The following PIKFYVE variants were observed in gnomAD, a reference collection of about 807,000 sequenced individuals.
The protein encoded by PIKFYVE is phosphoinositide kinase, FYVE-type zinc finger containing, also known as 1-phosphatidylinositol 3-phosphate 5-kinase.
A neutral mutation model predicts 257.9 loss-of-function variants in PIKFYVE; 122 were observed. That is an observed-to-expected ratio of 0.47 (90% confidence interval 0.41 to 0.55). PIKFYVE has a LOEUF of 0.55. Among genes scored for constraint, PIKFYVE ranks in the 20% least tolerant of loss-of-function variants. The pLI is 0.00. For synonymous variants in PIKFYVE, 892 were observed against 868.9 expected (o/e 1.03, Z -0.47); for missense variants, 2,160 against 2,536.6 (o/e 0.85, Z 3.19).
chr2:208,339,322 TA>T, intron 29 of PIKFYVE, 95 bp from the exon 30 acceptor site: 2 of 1,421,816 alleles, frequency 1.4e-6, no homozygotes, highest in South Asian at 2.3e-5. Flanking sequence ...TTCTACCTTT[TA>T]GGAAGTAGGC....
chr2:208,316,248 G>C (rs1695506694), intron 15 of PIKFYVE, among the ~76,000 whole-genome samples: 1 of 152,134 alleles, frequency 6.6e-6, no homozygotes, highest in Non-Finnish European at 1.5e-5. Context: ...GTGTGTATGT[G>C]TCACATTTTC....
intron 15 of PIKFYVE, among the ~76,000 whole-genome samples, chr2:208,317,322 T>C (rs970130372): frequency 1.3e-5 from 2 of 151,754 alleles, no homozygotes; most frequent in African/African-American, 4.8e-5. Context: ...GGGCAAAGGA[T>C]ATGAACAGAC....
intron 5 of PIKFYVE, among the ~76,000 whole-genome samples, chr2:208,285,517 A>T (rs1169895582): frequency 6.6e-6 from 1 of 152,106 alleles, no homozygotes; most frequent in African/African-American, 2.4e-5. Flanking sequence ...TTAGTGCCAG[A>T]ATTCAAAATG....
chr2:208,324,437 A>G (rs1005794182), intron 18 of PIKFYVE, among the ~76,000 whole-genome samples, 155 bp downstream of exon 18: 1 of 152,226 alleles, frequency 6.6e-6, no homozygotes, highest in Non-Finnish European at 1.5e-5. Context: ...ATTAAGATTC[A>G]GAATTTCAGA....
Position 208,355,269 on chromosome 2 carries a change from A to G in PIKFYVE, c.6261A>G (p.Val2087=), listed in dbSNP as rs143301688. 4.3e-6 allele frequency: 7 copies of G among 1,613,912 alleles called. No homozygotes were observed. The highest frequency in any genetic ancestry group is 1.1e-5 in the South Asian group (1 of 91,080). The change falls in exon 42 of 42, where the codon GTA becomes GTG. Residue 2087 remains valine (V), a synonymous_variant. Transcript: ENST00000264380. The part of the protein sequence containing the change: ...CEAMDKYFLM[V]PDHWTGLGLN... Reference sequence around the variant, plus strand: ...CAATGGACAAGTATTTCCTAATGGTACCAGACCACTGGACAGGCTTGGGTC... The same window carrying G: ...CAATGGACAAGTATTTCCTAATGGTGCCAGACCACTGGACAGGCTTGGGTC...
At chr2:208,328,063 A>G in intron 20 of PIKFYVE, 117 bp from the exon 21 acceptor site, 2 of 1,568,480 alleles carry the variant, frequency 1.3e-6, no homozygotes, top group Non-Finnish European at 1.7e-6. Context: ...TTAAATCTTG[A>G]CCAGAGCCCC....
At chr2:208,289,634 G>A (rs960780511) in intron 7 of PIKFYVE, among the ~76,000 whole-genome samples, 8 of 152,034 alleles carry the variant, frequency 5.3e-5, no homozygotes, top group Non-Finnish European at 4.4e-5. Flanking sequence ...GTTTCACCGT[G>A]TTAGCCAGGA....
chr2:208,306,498 G>A (rs1199350782), intron 12 of PIKFYVE, among the ~76,000 whole-genome samples: 1 of 152,174 alleles, frequency 6.6e-6, no homozygotes, highest in African/African-American at 2.4e-5. Flanking sequence ...ACTTGGTGAT[G>A]ATTTCATCTC....
rs545410451 is a variant in PIKFYVE, at chr2:208,278,844, TAA to T, written c.613+1140_613+1141del. Reference sequence around the variant, plus strand: ...CAGGTTGATTCTGTATTTGCTATTATAAAAAGTGTTACAATGAACATACGAGT... The same window carrying T: ...CAGGTTGATTCTGTATTTGCTATTATAAAGTGTTACAATGAACATACGAGT... On this transcript the variant is annotated intron_variant, in intron 5 of 41. Coordinates refer to ENST00000264380, the MANE Select transcript of PIKFYVE (RefSeq NM_015040.4). Among the ~76,000 whole-genome samples the T allele has an allele frequency of 1.7e-3, 266 of 152,340 alleles. 3 individuals are homozygous for T. Among genetic ancestry groups the T allele is most frequent in the African/African-American group, 6.0e-3 (249 of 41,570 alleles).
rs766940010 is a variant in PIKFYVE, at chr2:208,326,376, G to A, written c.3565G>A (p.Glu1189Lys). The A allele has an allele frequency of 4.3e-6, 7 of 1,613,874 alleles. No homozygotes were observed. Among genetic ancestry groups the A allele is most frequent in the South Asian group, 1.1e-5 (1 of 91,056 alleles). ...AAGTGGCCAATCAGGAAGCAAAAAT[G>A]AGGGTGATGAAGAGAGAGGGCTTAT... ...TSSGQSGSKN[E>K]GDEERGLILS... is the part of the protein sequence containing the mutation. Residue 1189 changes from glutamate (E) to lysine (K), a missense_variant, in exon 20 of 42, where the codon GAG becomes AAG. Glu to Lys is a moderately conservative substitution (Grantham distance 56). This residue lies in a region of PIKFYVE where 522 missense variants were observed against 514.6 expected (regional missense o/e 1.01). Transcript: ENST00000264380.
In PIKFYVE at chr2:208,330,581, C is replaced by T. The variant is rs1423019220; in HGVS notation, c.3850C>T (p.Arg1284Cys). ...CDTPMVHHIR[R>C]FVHGQGCVQI... ...TACCCCCATGGTACATCATATTCGG[C>T]GCTTTGTTCATGGCCAAGGCTGTGT... The change falls in exon 23 of 42, where the codon CGC becomes TGC. Residue 1284 changes from arginine to cysteine, a missense_variant. By Grantham distance (180) the Arg-to-Cys change is radical. This residue lies in a region of PIKFYVE where 55 missense variants were observed against 103.0 expected (regional missense o/e 0.53). Coordinates refer to ENST00000264380, the MANE Select transcript of PIKFYVE (RefSeq NM_015040.4). The T allele has an allele frequency of 1.9e-6, 3 of 1,614,126 alleles. No homozygotes were observed. The highest frequency in any genetic ancestry group is 1.7e-6 in the Non-Finnish European group (2 of 1,180,020).
chr2:208,288,917 A>G, intron 7 of PIKFYVE, 99 bp downstream of exon 7: 1 of 1,410,268 alleles, frequency 7.1e-7, no homozygotes, highest in African/African-American at 1.4e-5. Flanking sequence ...TGATTGTCAT[A>G]TACTTCCGTA....
chr2:208,339,497 C>G lies in PIKFYVE; in HGVS notation c.4752C>G (p.Val1584=). Residue 1584 remains valine (V), a synonymous_variant, in exon 30 of 42, where the codon GTC becomes GTG. Coordinates refer to ENST00000264380, the MANE Select transcript of PIKFYVE (RefSeq NM_015040.4). ...TCCAATTGCCTACGCCACCTGAAGT[C>G]ATGTCTGAACAGTCAGTGGGAGGGC... The part of the protein sequence containing the change: ...THLQLPTPPE[V]MSEQSVGGPP... 1.2e-6 allele frequency: 2 copies of G among 1,614,170 alleles called. No homozygotes were observed. The highest frequency in any genetic ancestry group is 1.7e-6 in the Non-Finnish European group (2 of 1,180,028).
At chr2:208,350,306 C>A (rs540932069) in intron 36 of PIKFYVE, among the ~76,000 whole-genome samples, 1 of 151,188 alleles carries the variant, frequency 6.6e-6, no homozygotes, top group Non-Finnish European at 1.5e-5. Flanking sequence ...GTAAATTATG[C>A]TCTTATTTCT....
intron 38 of PIKFYVE, 100 bp downstream of exon 38, chr2:208,351,555 C>T: frequency 1.0e-6 from 1 of 991,242 alleles, no homozygotes; most frequent in South Asian, 1.3e-5. Context: ...TAAAGAAATA[C>T]CTGAGGCTGG....
chr2:208,321,031 A>C (rs1307553308), intron 17 of PIKFYVE, among the ~76,000 whole-genome samples: 1 of 152,102 alleles, frequency 6.6e-6, no homozygotes, highest in Non-Finnish European at 1.5e-5. Flanking sequence ...ATTTAATTTT[A>C]CTTGAGGCAG....
chr2:208,275,242 A>G (rs547157003), intron 3 of PIKFYVE, among the ~76,000 whole-genome samples: 80 of 152,386 alleles, frequency 5.2e-4, no homozygotes, highest in Middle Eastern at 3.4e-3. Flanking sequence ...GCATAGAGCT[A>G]GACCAGATTT....
chr2:208,334,772 C>G (rs1697947657), intron 24 of PIKFYVE, among the ~76,000 whole-genome samples: 1 of 152,190 alleles, frequency 6.6e-6, no homozygotes, highest in Admixed American at 6.5e-5. Flanking sequence ...TCCTCAGCAC[C>G]TAAAACAGTG....
chr2:208,350,619 G>A, intron 36 of PIKFYVE, 152 bp from the exon 37 acceptor site: 1 of 768,048 alleles, frequency 1.3e-6, no homozygotes, highest in Non-Finnish European at 2.1e-6. Flanking sequence ...TAACAAAATT[G>A]TGATAAATAG....
Sources: gnomAD v4.1 joint callset for allele counts (sites outside exome capture counted in the v4.1 genomes callset) on GRCh38, gnomAD v4.1.1 for gene constraint, gnomAD v4.1.1 regional missense constraint, MANE v1.5 for transcripts, NCBI Gene and HGNC (gene_info 2026-07-23, HGNC 2026-07-21) for gene names.